The following SGCG variants were observed in gnomAD, a reference collection of about 807,000 sequenced individuals.
SGCG encodes the protein sarcoglycan gamma.
Under a neutral mutation model 29.3 loss-of-function variants are expected in SGCG, and 26 were observed. The ratio of observed to expected loss-of-function variants is 0.89; its 90% CI spans 0.65 to 1.23. The LOEUF (loss-of-function observed/expected upper bound fraction) is 1.23. Among genes scored for constraint, SGCG ranks in the 50% most tolerant of loss-of-function variants. SGCG has a pLI of 0.00. For missense variants in SGCG, 353 were observed against 356.0 expected (o/e 0.99, Z 0.07); for synonymous variants, 145 against 129.7 (o/e 1.12, Z -0.80).
chr13:23,205,832 G>A (rs1308470560), intron 2 of SGCG, among the ~76,000 whole-genome samples: 7 of 152,106 alleles, frequency 4.6e-5, no homozygotes, highest in African/African-American at 1.2e-4. Flanking sequence ...AATTGGTAGC[G>A]AGTATTCAGG....
At position 23,322,753 on chromosome 13, in the gene SGCG, GCCCCCCACCCATCCACCTCCCCCCCCC is replaced by G. The variant is rs1192462127; in HGVS notation, c.703-1608_703-1582del. ...TCGCACCTGCGGCGATGCACAGACC[GCCCCCCACCCATCCACCTCCCCCCCCC>G]CCCCCCCCCGCCAACAGGTGTAACG... On this transcript the variant is annotated intron_variant, in intron 7 of 7. Transcript: ENST00000218867. Among the ~76,000 whole-genome samples, 6 of 9,998 alleles carry G rather than the reference GCCCCCCACCCATCCACCTCCCCCCCCC, an allele frequency of 6.0e-4. 1 individual carries two copies. The highest frequency in any genetic ancestry group is 1.8e-3 in the African/African-American group (6 of 3,248). 6.6% of individuals were successfully genotyped at this position (9,998 alleles called of 152,430 possible). A position where few individuals can be genotyped will look rare whatever the true frequency, so the allele number is the denominator to read the frequency against.
At chr13:23,281,201 G>A (rs1359673188) in intron 5 of SGCG, among the ~76,000 whole-genome samples, 7 of 152,094 alleles carry the variant, frequency 4.6e-5, no homozygotes, top group East Asian at 1.9e-4. Flanking sequence ...TTATCCAGGC[G>A]TAGTGGTGCG....
At chr13:23,309,719 CA>C (rs1419535079) in intron 6 of SGCG, among the ~76,000 whole-genome samples, 10 of 152,104 alleles carry the variant, frequency 6.6e-5, no homozygotes, top group Non-Finnish European at 1.5e-4. Flanking sequence ...CTTTTTCTTT[CA>C]AACAGTGTGT....
At chr13:23,248,563 A>T (rs1474094072) in intron 3 of SGCG, among the ~76,000 whole-genome samples, 1 of 150,714 alleles carries the variant, frequency 6.6e-6, no homozygotes, top group East Asian at 2.0e-4. Context: ...GCGTGGCAGC[A>T]GGCGCCTGTA....
At chr13:23,243,978 A>G (rs1239093610) in intron 3 of SGCG, 1 of 151,994 alleles carries the variant, frequency 6.6e-6, no homozygotes, top group Non-Finnish European at 1.5e-5. Flanking sequence ...CTAGTTGGAG[A>G]ATTTCTGACA....
At chr13:23,228,992 C>T (rs1879006583) in intron 2 of SGCG, among the ~76,000 whole-genome samples, 1 of 152,114 alleles carries the variant, frequency 6.6e-6, no homozygotes, top group South Asian at 2.1e-4. Flanking sequence ...AGCCTCAGCC[C>T]CCGAGTAGCT....
intron 4 of SGCG, among the ~76,000 whole-genome samples, chr13:23,276,414 C>T (rs2137612011): frequency 8.2e-6 from 1 of 122,116 alleles, no homozygotes; most frequent in African/African-American, 2.8e-5. Flanking sequence ...AGCATGAACG[C>T]TTTCTTTTTT....
At chr13:23,315,016 C>T (rs1469337717) in intron 6 of SGCG, among the ~76,000 whole-genome samples, 3 of 152,168 alleles carry the variant, frequency 2.0e-5, no homozygotes, top group Non-Finnish European at 2.9e-5. Context: ...GCTGCTCTGC[C>T]GCTTGGGCCA....
At chr13:23,229,816 T>TG (rs1448620077) in intron 2 of SGCG, among the ~76,000 whole-genome samples, 4 of 152,250 alleles carry the variant, frequency 2.6e-5, no homozygotes, top group African/African-American at 9.6e-5. Flanking sequence ...TTTTGGCTTC[T>TG]GTTGCAGTTG....
At chr13:23,285,213 G>GC (rs1566031278) in intron 5 of SGCG, among the ~76,000 whole-genome samples, 3 of 152,192 alleles carry the variant, frequency 2.0e-5, no homozygotes, top group African/African-American at 7.2e-5. Context: ...ACCCACAGCC[G>GC]CCCCTTCCCC....
intron 5 of SGCG, among the ~76,000 whole-genome samples, chr13:23,291,651 T>G (rs1027642069): frequency 5.9e-5 from 9 of 152,200 alleles, no homozygotes; most frequent in African/African-American, 2.2e-4. Context: ...AGATTTTATA[T>G]CTCCCTGTAA....
the SGCG span, among the ~76,000 whole-genome samples, chr13:23,173,087 T>G: frequency 6.6e-6 from 1 of 152,136 alleles, no homozygotes; most frequent in African/African-American, 2.4e-5. Context: ...GTCAGTTATT[T>G]TATAAATGGA....
chr13:23,211,972 C>T (rs1308353762), intron 2 of SGCG, among the ~76,000 whole-genome samples: 1 of 152,094 alleles, frequency 6.6e-6, no homozygotes, highest in African/African-American at 2.4e-5. Flanking sequence ...TCATGAATGG[C>T]TTGGCACCAT....
At chr13:23,255,812 T>G (rs1488988445) in intron 4 of SGCG, among the ~76,000 whole-genome samples, 1 of 152,232 alleles carries the variant, frequency 6.6e-6, no homozygotes, top group East Asian at 1.9e-4. Context: ...TAGAGAATTA[T>G]GCTGTGAACT....
intron 1 of SGCG, among the ~76,000 whole-genome samples, chr13:23,195,904 C>T (rs1254737191): frequency 6.6e-6 from 1 of 150,410 alleles, no homozygotes; most frequent in African/African-American, 2.4e-5. Flanking sequence ...TTTACTGTTA[C>T]AAAAGAAATA....
At chr13:23,281,442 A>T (rs1309199818) in intron 5 of SGCG, among the ~76,000 whole-genome samples, 3 of 151,982 alleles carry the variant, frequency 2.0e-5, no homozygotes, top group African/African-American at 7.3e-5. Flanking sequence ...GTGACTTGAG[A>T]ATCTGTGTTT....
intron 2 of SGCG, among the ~76,000 whole-genome samples, chr13:23,222,019 G>A (rs1300262160): frequency 6.6e-6 from 1 of 152,228 alleles, no homozygotes; most frequent in Admixed American, 6.5e-5. Flanking sequence ...AAGGTGATAA[G>A]TTTGAGTATC....
intron 5 of SGCG, among the ~76,000 whole-genome samples, chr13:23,287,843 C>T (rs1881555621): frequency 6.6e-6 from 1 of 152,094 alleles, no homozygotes; most frequent in African/African-American, 2.4e-5. Context: ...CAACCTTTGC[C>T]TCCTGGGTTC....
the SGCG span, among the ~76,000 whole-genome samples, chr13:23,174,067 A>G: frequency 1.3e-5 from 2 of 152,224 alleles, no homozygotes; most frequent in African/African-American, 4.8e-5. Flanking sequence ...AAATTTTCAG[A>G]CACCAAAAGT....
Sources: gnomAD v4.1 joint callset for allele counts (sites outside exome capture counted in the v4.1 genomes callset) on GRCh38, gnomAD v4.1.1 for gene constraint, MANE v1.5 for transcripts, NCBI Gene and HGNC (gene_info 2026-07-23, HGNC 2026-07-21) for gene names.